APLF: variants seen among roughly 807,000 people sequenced by gnomAD.
APLF encodes the protein aprataxin and PNKP like factor, also known as aprataxin and PNK-like factor.
A neutral mutation model predicts 55.6 loss-of-function variants in APLF; 61 were observed. That is an observed-to-expected ratio of 1.10 (90% CI 0.89 to 1.36). The LOEUF (loss-of-function observed/expected upper bound fraction) is 1.36, where lower values mean the gene tolerates loss of function less well. APLF is among the 40% of genes most tolerant of loss of function. The pLI is 0.00. For missense variants in APLF, 611 were observed against 602.5 expected (o/e 1.01, Z -0.15); for synonymous variants, 207 against 214.8 (o/e 0.96, Z 0.32).
chr2:68,562,956 T>C (rs933631302), intron 8 of APLF: 3 of 468,160 alleles, frequency 6.4e-6, no homozygotes, highest in African/African-American at 2.1e-5. Flanking sequence ...AAAGTCCATC[T>C]ATTCTGTGAG....
intron 1 of APLF, among the ~76,000 whole-genome samples, chr2:68,473,635 A>G (rs1421933792): frequency 2.6e-5 from 4 of 152,232 alleles, no homozygotes; most frequent in African/African-American, 7.2e-5. Flanking sequence ...CCCACCAGCA[A>G]TGAGTGACAG....
intron 5 of APLF, among the ~76,000 whole-genome samples, chr2:68,521,689 G>A (rs911528073): frequency 6.6e-6 from 1 of 151,798 alleles, no homozygotes; most frequent in African/African-American, 2.4e-5. Context: ...ATTTCCACTG[G>A]TATCATGCTA....
At chr2:68,574,724 T>C (rs756375890) in intron 9 of APLF, among the ~76,000 whole-genome samples, 1 of 152,264 alleles carries the variant, frequency 6.6e-6, no homozygotes, top group East Asian at 1.9e-4. Context: ...GTGGTCTTAC[T>C]GCCTCAACAA....
chr2:68,484,832 A>G (rs1278031513), intron 1 of APLF, among the ~76,000 whole-genome samples: 3 of 146,912 alleles, frequency 2.0e-5, no homozygotes, highest in Admixed American at 2.0e-4. Flanking sequence ...TCCCATCTCT[A>G]AAAAAAAAAA....
intron 1 of APLF, among the ~76,000 whole-genome samples, chr2:68,481,134 G>A (rs1401603339): frequency 6.6e-6 from 1 of 152,154 alleles, no homozygotes; most frequent in Non-Finnish European, 1.5e-5. Flanking sequence ...TTCATGTAAT[G>A]AACTTGTAAT....
At chr2:68,474,307 T>A (rs747260256) in intron 1 of APLF, among the ~76,000 whole-genome samples, 9 of 152,254 alleles carry the variant, frequency 5.9e-5, no homozygotes, top group Non-Finnish European at 5.9e-5. Flanking sequence ...CAGCTAACCT[T>A]TAGCCCCTCT....
chr2:68,511,506 T>C (rs1216121938), intron 3 of APLF, among the ~76,000 whole-genome samples: 1 of 151,618 alleles, frequency 6.6e-6, no homozygotes, highest in Non-Finnish European at 1.5e-5. Flanking sequence ...GACTATAGAG[T>C]GTATATGAAT....
intron 2 of APLF, among the ~76,000 whole-genome samples, chr2:68,502,166 C>G (rs6715340): frequency 6.6e-6 from 1 of 152,018 alleles, no homozygotes; most frequent in African/African-American, 2.4e-5. Context: ...CCCTTATGAC[C>G]TACATGTTAA....
rs999798309 is a variant in APLF, at chr2:68,557,740, C to T, written c.1287-9601C>T. On this transcript the variant is annotated intron_variant, in intron 8 of 9. Transcript: ENST00000303795. ...CAGCCTGTCCAACATGGTGAAACCC[C>T]ATTTCTACTAAAAACACAAAAATTA... is the stretch of plus-strand genomic sequence containing the variant. Among the ~76,000 whole-genome samples, 4 of 152,020 alleles carry T rather than the reference C, an allele frequency of 2.6e-5. No individual in the cohort carries two copies. The East Asian group carries it at 7.7e-4, about 29-fold the overall frequency.
chr2:68,565,689 C>T (rs1009759879), intron 8 of APLF, among the ~76,000 whole-genome samples: 2 of 151,856 alleles, frequency 1.3e-5, no homozygotes, highest in Non-Finnish European at 2.9e-5. Context: ...ACAATAGTAT[C>T]GAAGGCACGG....
chr2:68,510,638 G>A (rs72901903), intron 3 of APLF, among the ~76,000 whole-genome samples: 13,925 of 151,774 alleles, frequency 0.092, 1,872 homozygotes, highest in African/African-American at 0.29. Context: ...TTTAAACATG[G>A]AATTACTGTG....
At chr2:68,554,031 A>G (rs184169630) in intron 8 of APLF, among the ~76,000 whole-genome samples, 1 of 152,092 alleles carries the variant, frequency 6.6e-6, no homozygotes, top group Non-Finnish European at 1.5e-5. Context: ...CTATTATACT[A>G]CATATCAATG....
At position 68,480,248 on chromosome 2, in the gene APLF, A is replaced by G. The variant is rs543910771; in HGVS notation, c.97-9942A>G. Among the ~76,000 whole-genome samples the G allele has an allele frequency of 2.7e-5, 4 of 150,262 alleles. No individual in the cohort carries two copies. The South Asian group carries it at 8.4e-4, about 31-fold the overall frequency. Reference sequence around the variant, plus strand: ...TTCTAGATGTAAGATCATGTTATCTACAAGCAGGGATGATTCAACTTCCTC... The same window carrying G: ...TTCTAGATGTAAGATCATGTTATCTGCAAGCAGGGATGATTCAACTTCCTC... On this transcript the variant is annotated intron_variant, in intron 1 of 9. Coordinates refer to ENST00000303795, the MANE Select transcript of APLF (RefSeq NM_173545.3).
intron 1 of APLF, among the ~76,000 whole-genome samples, chr2:68,472,328 G>A (rs35118992): frequency 0.24 from 36,004 of 152,030 alleles, 6,815 homozygotes; most frequent in African/African-American, 0.53. Context: ...TTGCAGGACA[G>A]TTCCAAGGTA....
At chr2:68,545,343 T>A in intron 8 of APLF, 31 bp downstream of exon 8, 2 of 1,589,404 alleles carry the variant, frequency 1.3e-6, no homozygotes, top group Non-Finnish European at 1.7e-6. Flanking sequence ...GCTGCACTCC[T>A]TTTCTTTCTT....
intron 2 of APLF, among the ~76,000 whole-genome samples, chr2:68,501,955 G>C (rs995996151): frequency 6.6e-6 from 1 of 152,058 alleles, no homozygotes; most frequent in Admixed American, 6.6e-5. Context: ...AAAATGCTGG[G>C]GCCGCATCTG....
At chr2:68,486,618 C>T (rs1676182721) in intron 1 of APLF, among the ~76,000 whole-genome samples, 1 of 152,118 alleles carries the variant, frequency 6.6e-6, no homozygotes, top group South Asian at 2.1e-4. Flanking sequence ...CATTTCTCAT[C>T]TCTCTTACAT....
chr2:68,479,887 A>G lies in APLF; in HGVS notation c.97-10303A>G, dbSNP rs141619959. Among the ~76,000 whole-genome samples, 31 of 152,236 alleles carry G rather than the reference A, an allele frequency of 2.0e-4. No individual in the cohort carries two copies. In the East Asian group the frequency reaches 6.0e-3, roughly 29 times the overall value. On this transcript the variant is annotated intron_variant, in intron 1 of 9. Transcript: ENST00000303795. ...ATTCCTCCTCCTCCTCAGCCTACTC[A>G]AGGTGAAGACAATGAAGATGAAGAC... is the stretch of plus-strand genomic sequence containing the variant.
chr2:68,571,941 G>A lies in APLF; in HGVS notation c.1333+4554G>A, dbSNP rs561998643. On this transcript the variant is annotated intron_variant, in intron 9 of 9. Transcript: ENST00000303795. ...TCTGGCCTCTATTATTATGTGATATGTATTATTCTAGGTGATTGATACCAT... is the reference window on the plus strand; with the variant it reads ...TCTGGCCTCTATTATTATGTGATATATATTATTCTAGGTGATTGATACCAT... Among the ~76,000 whole-genome samples the A allele has an allele frequency of 3.9e-5, 6 of 152,176 alleles. No individual in the cohort carries two copies. The South Asian group carries it at 1.2e-3, about 32-fold the overall frequency.
Sources: allele counts gnomAD v4.1 joint callset (sites outside exome capture counted in the v4.1 genomes callset), GRCh38; gene constraint gnomAD v4.1.1; transcripts MANE v1.5; gene names NCBI Gene and HGNC (gene_info 2026-07-23, HGNC 2026-07-21).